The following ZHX2 variants were observed in gnomAD, a reference collection of about 807,000 sequenced individuals.
The protein encoded by ZHX2 is zinc fingers and homeoboxes protein 2.
In ZHX2, 6 loss-of-function variants were observed where a neutral mutation model predicts 21.9. The ratio of observed to expected loss-of-function variants is 0.27; its 90% CI spans 0.15 to 0.54. The LOEUF (loss-of-function observed/expected upper bound fraction) is 0.54. ZHX2 is among the 20% of genes least tolerant of loss of function. ZHX2 has a pLI of 0.95. For missense variants in ZHX2, 908 were observed against 1,090.7 expected (o/e 0.83, Z 2.36); for synonymous variants, 434 against 437.1 (o/e 0.99, Z 0.09).
chr8:122,806,021 T>C (rs1223984065), intron 1 of ZHX2, among the ~76,000 whole-genome samples: 1 of 152,236 alleles, frequency 6.6e-6, no homozygotes, highest in Non-Finnish European at 1.5e-5. Context: ...CCCATTCTCA[T>C]CACTAGTTCC....
chr8:122,901,082 C>G (rs374802515), intron 2 of ZHX2, among the ~76,000 whole-genome samples: 1 of 151,934 alleles, frequency 6.6e-6, no homozygotes, highest in African/African-American at 2.4e-5. Flanking sequence ...CTTAGAAATA[C>G]GTTAGAATTT....
intron 3 of ZHX2, among the ~76,000 whole-genome samples, chr8:122,969,822 G>C (rs1813675293): frequency 6.6e-6 from 1 of 152,110 alleles, no homozygotes; most frequent in Non-Finnish European, 1.5e-5. Context: ...AAGTCCCTAG[G>C]GCCCTAGAGA....
intron 1 of ZHX2, among the ~76,000 whole-genome samples, chr8:122,783,446 A>T (rs1817332726): frequency 6.6e-6 from 1 of 152,100 alleles, no homozygotes; most frequent in Non-Finnish European, 1.5e-5. Flanking sequence ...TTCCCCCAGC[A>T]CTTCTTGAAT....
chr8:122,797,367 T>G (rs545152695), intron 1 of ZHX2, among the ~76,000 whole-genome samples: 11 of 152,296 alleles, frequency 7.2e-5, no homozygotes, highest in African/African-American at 2.4e-4. Flanking sequence ...AAGTTGCCAC[T>G]TCTGCTCACA....
At position 122,974,296 on chromosome 8, in the gene ZHX2, T is replaced by C. The variant is rs1813808403; in HGVS notation, c.*1059T>C. ...TAGATACCTGAGTGCACTTTTTCAGTTAGTCCTAACTTTTAAAAGAAGGAA... is the reference window on the plus strand; with the variant it reads ...TAGATACCTGAGTGCACTTTTTCAGCTAGTCCTAACTTTTAAAAGAAGGAA... On this transcript the variant is annotated 3_prime_UTR_variant, in exon 4 of 4. Coordinates refer to ENST00000314393, the MANE Select transcript of ZHX2 (RefSeq NM_014943.5). 1 of 152,536 alleles carries C rather than the reference T, an allele frequency of 6.6e-6. No individual in the cohort carries two copies. Among genetic ancestry groups the C allele is most frequent in the Admixed American group, 6.5e-5 (1 of 15,274 alleles). 9.4% of individuals were successfully genotyped at this position (152,536 alleles called of 1,614,324 possible). A position where few individuals can be genotyped will look rare whatever the true frequency, so the allele number is the denominator to read the frequency against.
At chr8:122,926,896 C>T (rs1056761857) in intron 2 of ZHX2, among the ~76,000 whole-genome samples, 1 of 152,172 alleles carries the variant, frequency 6.6e-6, no homozygotes, top group Non-Finnish European at 1.5e-5. Flanking sequence ...TAGAATGACA[C>T]TGAGGATGGC....
At chr8:122,875,580 C>T (rs768497316) in intron 2 of ZHX2, among the ~76,000 whole-genome samples, 2 of 148,754 alleles carry the variant, frequency 1.3e-5, no homozygotes, top group Non-Finnish European at 3.0e-5. Context: ...GCAGCAGCGC[C>T]GGTAGCAACA....
At chr8:122,791,289 G>A (rs1252179544) in intron 1 of ZHX2, among the ~76,000 whole-genome samples, 1 of 152,158 alleles carries the variant, frequency 6.6e-6, no homozygotes, top group Non-Finnish European at 1.5e-5. Flanking sequence ...ATAATATGAA[G>A]GTCAGAGCCA....
chr8:122,954,168 T>A, intron 3 of ZHX2, 140 bp downstream of exon 3: 1 of 758,540 alleles, frequency 1.3e-6, no homozygotes, highest in South Asian at 2.1e-5. Flanking sequence ...CAAATAAGAA[T>A]GATGTATATT....
intron 1 of ZHX2, among the ~76,000 whole-genome samples, chr8:122,801,032 G>T (rs756817217): frequency 1.3e-5 from 2 of 152,236 alleles, no homozygotes; most frequent in Non-Finnish European, 2.9e-5. Context: ...CATAAAAGGT[G>T]CATGAAAGCT....
intron 1 of ZHX2, among the ~76,000 whole-genome samples, chr8:122,819,103 T>C (rs1210903789): frequency 1.3e-5 from 2 of 152,210 alleles, no homozygotes; most frequent in East Asian, 1.9e-4. Flanking sequence ...GAAGGCCTTC[T>C]TGAAGGCCAG....
intron 1 of ZHX2, among the ~76,000 whole-genome samples, chr8:122,861,005 C>A (rs1048767357): frequency 3.4e-5 from 5 of 148,198 alleles, no homozygotes; most frequent in African/African-American, 1.3e-4. Context: ...TGCATGCACT[C>A]CAGCCTGGAG....
At chr8:122,795,146 C>T (rs1343988603) in intron 1 of ZHX2, among the ~76,000 whole-genome samples, 1 of 152,230 alleles carries the variant, frequency 6.6e-6, no homozygotes, top group East Asian at 1.9e-4. Flanking sequence ...GGCTCTGTCA[C>T]TACAGCCTAT....
intron 2 of ZHX2, among the ~76,000 whole-genome samples, chr8:122,900,783 C>G (rs73711237): frequency 0.036 from 5,481 of 152,228 alleles, 324 homozygotes; most frequent in African/African-American, 0.13. Context: ...TATTCCTCCT[C>G]CAGGAAGCAG....
intron 1 of ZHX2, among the ~76,000 whole-genome samples, chr8:122,831,746 C>T (rs1818382969): frequency 6.6e-6 from 1 of 152,102 alleles, no homozygotes; most frequent in Non-Finnish European, 1.5e-5. Context: ...GATGAGAGAG[C>T]CATTTATGGC....
intron 2 of ZHX2, among the ~76,000 whole-genome samples, chr8:122,866,331 C>A (rs113353855): frequency 5.2e-4 from 79 of 152,262 alleles, no homozygotes; most frequent in Admixed American, 7.8e-4. Flanking sequence ...CACTCCCCCC[C>A]ACCCCAGGAT....
intron 2 of ZHX2, among the ~76,000 whole-genome samples, chr8:122,901,840 T>G (rs368811013): frequency 5.9e-5 from 9 of 152,102 alleles, no homozygotes; most frequent in African/African-American, 1.9e-4. Context: ...TTGCCAAATA[T>G]CCCTTGTAAG....
intron 3 of ZHX2, among the ~76,000 whole-genome samples, chr8:122,968,711 C>T (rs554301968): frequency 3.9e-5 from 6 of 151,954 alleles, no homozygotes; most frequent in South Asian, 2.1e-4. Flanking sequence ...TGGTAGTGAG[C>T]GCCTATAATC....
intron 2 of ZHX2, among the ~76,000 whole-genome samples, chr8:122,916,536 A>C (rs1253689791): frequency 6.6e-6 from 1 of 151,880 alleles, no homozygotes; most frequent in Non-Finnish European, 1.5e-5. Flanking sequence ...GAGGCTCGAG[A>C]CTGAGAACGT....
Sources: gnomAD v4.1 joint callset for allele counts (sites outside exome capture counted in the v4.1 genomes callset) on GRCh38, gnomAD v4.1.1 for gene constraint, MANE v1.5 for transcripts, NCBI Gene and HGNC (gene_info 2026-07-23, HGNC 2026-07-21) for gene names.